Variants in EFCAB14 observed in about 807,000 individuals in gnomAD.
The protein encoded by EFCAB14 is EF-hand calcium-binding domain-containing protein 14.
In EFCAB14, 43 loss-of-function variants were observed where a neutral mutation model predicts 56.5. The observed-to-expected ratio is 0.76, with a 90% CI of 0.60 to 0.98. EFCAB14 has a LOEUF of 0.98. Ranked by LOEUF, EFCAB14 falls within the 50% of genes least tolerant of loss-of-function variation. EFCAB14 has a pLI of 0.00. For synonymous variants in EFCAB14, 235 were observed against 212.9 expected, an observed-to-expected ratio of 1.10 and a Z score of -0.90; for missense variants, 538 against 580.3, an observed-to-expected ratio of 0.93 and a Z score of 0.75.
intron 10 of EFCAB14, among the ~76,000 whole-genome samples, chr1:46,679,210 T>C (rs1294510434): frequency 1.3e-5 from 2 of 152,214 alleles, no homozygotes; most frequent in Non-Finnish European, 2.9e-5. Flanking sequence ...CAAACACTCA[T>C]AGCTTTCTCA....
At chr1:46,692,059 G>C (rs1160697757) in intron 4 of EFCAB14, 122 bp from the exon 5 acceptor site, 1 of 655,570 alleles carries the variant, frequency 1.5e-6, no homozygotes, top group East Asian at 3.0e-5. Flanking sequence ...TGTGAAACCA[G>C]TACTACAATC....
At chr1:46,697,215 C>T (rs548458486) in intron 3 of EFCAB14, among the ~76,000 whole-genome samples, 33 of 152,310 alleles carry the variant, frequency 2.2e-4, no homozygotes, top group African/African-American at 7.7e-4. Context: ...ATTTCAAACT[C>T]AATAGCTCTA....
At chr1:46,681,146 T>C (rs772695152) in intron 10 of EFCAB14, among the ~76,000 whole-genome samples, 1 of 151,898 alleles carries the variant, frequency 6.6e-6, no homozygotes, top group East Asian at 1.9e-4. Flanking sequence ...TTTTGTAGAG[T>C]TGGGATTTCA....
At chr1:46,679,824 C>T (rs1569675161) in intron 10 of EFCAB14, among the ~76,000 whole-genome samples, 1 of 151,666 alleles carries the variant, frequency 6.6e-6, no homozygotes, top group East Asian at 1.9e-4. Flanking sequence ...TCGGCCAGGT[C>T]TCTAACTCCT....
At chr1:46,680,755 A>T (rs1377719533) in intron 10 of EFCAB14, among the ~76,000 whole-genome samples, 3 of 152,228 alleles carry the variant, frequency 2.0e-5, no homozygotes, top group African/African-American at 7.2e-5. Context: ...TATTTCAATA[A>T]AAAAGAACCA....
chr1:46,678,231 G>T lies in EFCAB14; in HGVS notation c.*230C>A. On this transcript the variant is annotated 3_prime_UTR_variant, in exon 11 of 11. Transcript: ENST00000371933. ...ATTTTTTTTCTGGCAATTTTAAAAT[G>T]TAAGATCTTACTGGTTGTAGGAAAT... 1 of 369,908 alleles carries T rather than the reference G, an allele frequency of 2.7e-6. No individual in the cohort carries two copies. The highest frequency in any genetic ancestry group is 4.8e-6 in the Non-Finnish European group (1 of 210,372). The allele number at this position is 369,908 out of a possible 1,614,324, so 22.9% of individuals were successfully genotyped here.
At chr1:46,705,745 T>C (rs1327115791) in intron 3 of EFCAB14, among the ~76,000 whole-genome samples, 2 of 152,248 alleles carry the variant, frequency 1.3e-5, no homozygotes, top group African/African-American at 4.8e-5. Flanking sequence ...TTATTCATCT[T>C]TTGTAAATGT....
At chr1:46,694,942 G>A (rs1427601710) in intron 4 of EFCAB14, among the ~76,000 whole-genome samples, 1 of 152,102 alleles carries the variant, frequency 6.6e-6, no homozygotes, top group South Asian at 2.1e-4. Context: ...CATGGATGAA[G>A]CTGGAAACCA....
rs974978290 is a variant in EFCAB14, at chr1:46,678,119, T to C, written c.*342A>G. 1.7e-4 allele frequency: 29 copies of C among 171,346 alleles called. No individual in the cohort carries two copies. Among genetic ancestry groups the C allele is most frequent in the African/African-American group, 4.8e-5 (2 of 42,048 alleles). 10.6% of individuals were successfully genotyped at this position (171,346 alleles called of 1,614,324 possible). A position where few individuals can be genotyped will look rare whatever the true frequency, so the allele number is the denominator to read the frequency against. On this transcript the variant is annotated 3_prime_UTR_variant, in exon 11 of 11. Coordinates refer to ENST00000371933, the MANE Select transcript of EFCAB14 (RefSeq NM_014774.3). ...AATTTAAGTGAAATATAAAAGTGGC[T>C]TATTCTCTCTCTATATACATTTCCC... is the stretch of plus-strand genomic sequence containing the variant.
chr1:46,708,284 G>C (rs184844398), intron 2 of EFCAB14, among the ~76,000 whole-genome samples: 10 of 152,314 alleles, frequency 6.6e-5, no homozygotes, highest in Admixed American at 6.5e-5. Context: ...AATCATAACA[G>C]AATGTGAGCA....
intron 2 of EFCAB14, among the ~76,000 whole-genome samples, chr1:46,713,796 A>T (rs1337398803): frequency 2.6e-5 from 4 of 152,218 alleles, no homozygotes; most frequent in Non-Finnish European, 5.9e-5. Context: ...CGGCACAGAC[A>T]GGTGTCTTCA....
chr1:46,716,868 T>C (rs1677404843), intron 1 of EFCAB14, among the ~76,000 whole-genome samples: 1 of 152,252 alleles, frequency 6.6e-6, no homozygotes, highest in African/African-American at 2.4e-5. Flanking sequence ...ACTGAAACTT[T>C]ATAAACTTTT....
rs1677427709 is a variant in EFCAB14 at position 46,718,183 on chromosome 1, T to C, written c.-96A>G. On this transcript the variant is annotated 5_prime_UTR_variant, in exon 1 of 11. Coordinates refer to ENST00000371933, the MANE Select transcript of EFCAB14 (RefSeq NM_014774.3). ...CCTGCCTTGGAGCTGCCTTCCAGGG[T>C]TGGGAATCCTGGGCCAGAGCCCCCT... 2 of 1,378,586 alleles carry C rather than the reference T, an allele frequency of 1.5e-6. No homozygotes were observed. The highest frequency in any genetic ancestry group is 4.4e-5 in the Admixed American group (2 of 45,850). 85.4% of individuals were successfully genotyped at this position (1,378,586 alleles called of 1,614,324 possible). A position where few individuals can be genotyped will look rare whatever the true frequency, so the allele number is the denominator to read the frequency against.
At position 46,689,763 on chromosome 1, in the gene EFCAB14, C is replaced by T. The variant is rs116873234; in HGVS notation, c.691-72G>A. ...GTCTACTTAACTATCTGAGATTGTC[C>T]TAGAACATTCTAGCCTCCCCCAGAA... On this transcript the variant is annotated intron_variant, in intron 5 of 10. Coordinates refer to ENST00000371933, the MANE Select transcript of EFCAB14 (RefSeq NM_014774.3). 1.3e-5 allele frequency: 17 copies of T among 1,291,070 alleles called. No homozygotes were observed. In the East Asian group the frequency reaches 2.3e-4, roughly 18 times the overall value. 80.0% of individuals were successfully genotyped at this position (1,291,070 alleles called of 1,614,324 possible).
chr1:46,708,077 A>C, intron 2 of EFCAB14, 26 bp from the exon 3 acceptor site: 2 of 1,603,576 alleles, frequency 1.2e-6, no homozygotes, highest in Non-Finnish European at 1.7e-6. Flanking sequence ...AAGAACAATC[A>C]TAACTAGCAT....
chr1:46,692,137 C>G (rs1275971767), intron 4 of EFCAB14, 200 bp from the exon 5 acceptor site: 1 of 426,410 alleles, frequency 2.3e-6, no homozygotes. Flanking sequence ...CCTTGCCGAT[C>G]GTTCCCAGGC....
intron 2 of EFCAB14, 101 bp from the exon 3 acceptor site, chr1:46,708,152 A>G (rs1677259957): frequency 2.6e-6 from 3 of 1,150,322 alleles, no homozygotes; most frequent in Non-Finnish European, 2.4e-6. Context: ...TGGATTAATA[A>G]AAGTTAATTC....
Position 46,676,173 on chromosome 1 carries a change from G to A in EFCAB14, c.*2288C>T, listed in dbSNP as rs1160127307. On this transcript the variant is annotated 3_prime_UTR_variant, in exon 11 of 11. Transcript: ENST00000371933. Reference sequence around the variant, plus strand: ...AGTTCAAGATACCCTACTTTTGCCTGGAAGATGTACTTTCTCAGGCAGGAT... The same window carrying A: ...AGTTCAAGATACCCTACTTTTGCCTAGAAGATGTACTTTCTCAGGCAGGAT... 1 of 152,192 alleles carries A rather than the reference G, an allele frequency of 6.6e-6. No homozygotes were observed. Among genetic ancestry groups the A allele is most frequent in the Non-Finnish European group, 1.5e-5 (1 of 68,026 alleles). The allele number at this position is 152,192 out of a possible 1,614,324, so 9.4% of individuals were successfully genotyped here. A position where few individuals can be genotyped will look rare whatever the true frequency, so the allele number is the denominator to read the frequency against.
Position 46,678,074 on chromosome 1 carries a change from A to T in EFCAB14, c.*387T>A, listed in dbSNP as rs1266392170. 1 of 160,264 alleles carries T rather than the reference A, an allele frequency of 6.2e-6. No individual in the cohort carries two copies. The highest frequency in any genetic ancestry group is 6.5e-5 in the Admixed American group (1 of 15,500). The allele number at this position is 160,264 out of a possible 1,614,324, so 9.9% of individuals were successfully genotyped here. On this transcript the variant is annotated 3_prime_UTR_variant, in exon 11 of 11. Transcript: ENST00000371933. ...AAAGACATTTTCTGAGTCTCTATAA[A>T]GTGCAGCTAATTTAAGGCAAATTTA...
Sources: gnomAD v4.1 joint callset for allele counts (sites outside exome capture counted in the v4.1 genomes callset) on GRCh38, gnomAD v4.1.1 for gene constraint, MANE v1.5 for transcripts, NCBI Gene and HGNC (gene_info 2026-07-23, HGNC 2026-07-21) for gene names.